ANKFN1: variants seen among roughly 807,000 people sequenced by gnomAD.
ANKFN1 encodes ankyrin repeat and fibronectin type III domain containing 1, also known as ankyrin repeat and fibronectin type-III domain-containing protein 1.
Under a neutral mutation model 108.7 loss-of-function variants are expected in ANKFN1, and 74 were observed. The ratio of observed to expected loss-of-function variants is 0.68; its 90% confidence interval spans 0.56 to 0.83. The LOEUF is 0.83. Among genes scored for constraint, ANKFN1 ranks in the 40% least tolerant of loss-of-function variants. The probability of loss-of-function intolerance (pLI) is 0.00; values close to 1 mark genes in which losing one functional copy is unlikely to be tolerated. For synonymous variants in ANKFN1, 547 were observed against 516.2 expected, an observed-to-expected ratio of 1.06 and a Z score of -0.81; for missense variants, 1,505 against 1,382.3, an observed-to-expected ratio of 1.09 and a Z score of -1.41.
intron 3 of ANKFN1, among the ~76,000 whole-genome samples, chr17:56,253,954 A>G (rs1176294210): frequency 3.9e-5 from 6 of 152,166 alleles, no homozygotes; most frequent in Non-Finnish European, 5.9e-5. Flanking sequence ...CCTATTTATT[A>G]TCTCTTTAAA....
At chr17:56,188,850 A>G (rs1281693962) in intron 1 of ANKFN1, among the ~76,000 whole-genome samples, 1 of 151,780 alleles carries the variant, frequency 6.6e-6, no homozygotes, top group Non-Finnish European at 1.5e-5. Context: ...GATGGGGGCT[A>G]GTCACCAGAA....
At chr17:56,464,346 G>A (rs116351564) in intron 14 of ANKFN1, among the ~76,000 whole-genome samples, 113 of 152,150 alleles carry the variant, frequency 7.4e-4, no homozygotes, top group African/African-American at 2.5e-3. Flanking sequence ...CACATTTTCC[G>A]GCGTCTTAAT....
In ANKFN1 at chr17:56,374,611, G is replaced by A. The variant is rs151192646; in HGVS notation, c.807G>A (p.Glu269=). The A allele has an allele frequency of 1.2e-6, 2 of 1,613,750 alleles. No individual in the cohort carries two copies. The highest frequency in any genetic ancestry group is 1.7e-6 in the Non-Finnish European group (2 of 1,179,730). Residue 269 remains glutamate (E), a synonymous_variant, in exon 8 of 21, where the codon GAG becomes GAA. Coordinates refer to ENST00000682825, the MANE Select transcript of ANKFN1 (RefSeq NM_001370326.1). ...KTGFEHARAP[E]MPTNVCLMVT... ...TTCCTTCTGTCCCAGGAGCCCCTGAGATGCCAACCAATGTCTGTCTCATGG... is the reference window on the plus strand; with the variant it reads ...TTCCTTCTGTCCCAGGAGCCCCTGAAATGCCAACCAATGTCTGTCTCATGG...
At chr17:56,363,039 T>A (rs985946568) in intron 6 of ANKFN1, among the ~76,000 whole-genome samples, 4 of 151,886 alleles carry the variant, frequency 2.6e-5, no homozygotes, top group African/African-American at 9.7e-5. Flanking sequence ...TGAAACTCCA[T>A]CTCTACTAAA....
intron 1 of ANKFN1, among the ~76,000 whole-genome samples, chr17:56,188,463 A>G (rs1912464453): frequency 6.7e-6 from 1 of 149,894 alleles, no homozygotes; most frequent in Non-Finnish European, 1.5e-5. Flanking sequence ...AATTATTTTA[A>G]GTATTAAATA....
Position 56,440,937 on chromosome 17 carries a change from A to G in ANKFN1, c.1008+513A>G, listed in dbSNP as rs370877835. Among the ~76,000 whole-genome samples, 7 of 152,186 alleles carry G rather than the reference A, an allele frequency of 4.6e-5. 1 individual carries two copies. The highest frequency in any genetic ancestry group is 4.6e-4 in the Admixed American group (7 of 15,258). On this transcript the variant is annotated intron_variant, in intron 9 of 20. Coordinates refer to ENST00000682825, the MANE Select transcript of ANKFN1 (RefSeq NM_001370326.1). ...TGTTTTCACAAAAAAGAAACTATAT[A>G]TGGTGGAGCTATGTTTCTCAGCAAC...
chr17:56,468,187 A>C (rs941191691), intron 15 of ANKFN1, among the ~76,000 whole-genome samples: 1 of 152,120 alleles, frequency 6.6e-6, no homozygotes, highest in Admixed American at 6.5e-5. Flanking sequence ...TCATATTTTG[A>C]GGTAGAAGTC....
intron 4 of ANKFN1, among the ~76,000 whole-genome samples, chr17:56,121,010 T>C (rs996778881): frequency 6.6e-6 from 1 of 152,116 alleles, no homozygotes; most frequent in Admixed American, 6.6e-5. Flanking sequence ...TATCCTAGTC[T>C]TCCTAGTTCC....
chr17:56,296,032 G>A (rs574361180), intron 3 of ANKFN1, among the ~76,000 whole-genome samples: 2 of 152,242 alleles, frequency 1.3e-5, no homozygotes, highest in Admixed American at 6.5e-5. Flanking sequence ...ATATATAAAA[G>A]TATGGATGTA....
intron 4 of ANKFN1, among the ~76,000 whole-genome samples, chr17:56,336,659 C>CA (rs1252497355): frequency 6.6e-6 from 1 of 152,088 alleles, no homozygotes; most frequent in African/African-American, 2.4e-5. Context: ...TTGATCTTTT[C>CA]AAAAAACCAG....
chr17:56,070,458 G>A (rs978940670), intron 4 of ANKFN1, among the ~76,000 whole-genome samples: 2 of 152,072 alleles, frequency 1.3e-5, no homozygotes, highest in African/African-American at 4.8e-5. Flanking sequence ...ACCAGTTATT[G>A]GATTTAGGGC....
At chr17:56,230,683 A>G (rs1471480110) in intron 3 of ANKFN1, among the ~76,000 whole-genome samples, 2 of 152,078 alleles carry the variant, frequency 1.3e-5, no homozygotes, top group Non-Finnish European at 2.9e-5. Flanking sequence ...GAAGAGAATT[A>G]TCTTCTGGGT....
chr17:56,145,281 G>A (rs569796786), intron 4 of ANKFN1, among the ~76,000 whole-genome samples: 1 of 152,360 alleles, frequency 6.6e-6, no homozygotes, highest in African/African-American at 2.4e-5. Flanking sequence ...CATAAAGGGA[G>A]TCAGAAAAAT....
In ANKFN1 at chr17:56,321,063, G is replaced by GAAA. The variant is rs11332530; in HGVS notation, c.54-5142_54-5140dup. On this transcript the variant is annotated intron_variant, in intron 3 of 20. Coordinates refer to ENST00000682825, the MANE Select transcript of ANKFN1 (RefSeq NM_001370326.1). ...TGAGCAGTCTGCATCTTTTCTTTAGGAAAAAAAAAAAAAAAAAAGTCTGCT... is the reference window on the plus strand; with the variant it reads ...TGAGCAGTCTGCATCTTTTCTTTAGGAAAAAAAAAAAAAAAAAAAAAGTCTGCT... 7.0e-5 allele frequency among the ~76,000 whole-genome samples: 8 copies of GAAA among 114,294 alleles called. No individual in the cohort carries two copies. The East Asian group carries it at 9.3e-4, about 13-fold the overall frequency. The allele number at this position is 114,294 out of a possible 152,430, so 75.0% of individuals were successfully genotyped here. A position where few individuals can be genotyped will look rare whatever the true frequency, so the allele number is the denominator to read the frequency against.
chr17:56,172,651 G>C (rs964742465), intron 1 of ANKFN1, among the ~76,000 whole-genome samples: 1 of 152,146 alleles, frequency 6.6e-6, no homozygotes, highest in Non-Finnish European at 1.5e-5. Flanking sequence ...AGAGCCAGGG[G>C]AGCTGCCAAG....
chr17:56,375,348 T>A (rs1162440771), intron 8 of ANKFN1, among the ~76,000 whole-genome samples: 1 of 152,126 alleles, frequency 6.6e-6, no homozygotes, highest in East Asian at 1.9e-4. Context: ...CCAGGACAGG[T>A]AGAGCAAACT....
intron 4 of ANKFN1, among the ~76,000 whole-genome samples, chr17:56,052,944 C>T (rs775870353): frequency 6.6e-6 from 1 of 152,094 alleles, no homozygotes; most frequent in Non-Finnish European, 1.5e-5. Flanking sequence ...AGTCTGCATT[C>T]TTAATCACTG....
intron 8 of ANKFN1, among the ~76,000 whole-genome samples, chr17:56,432,601 C>T (rs12947615): frequency 6.6e-6 from 1 of 152,206 alleles, no homozygotes; most frequent in Admixed American, 6.5e-5. Context: ...GATGCCCACC[C>T]TGCAGGCTGT....
intron 18 of ANKFN1, among the ~76,000 whole-genome samples, chr17:56,488,318 T>C (rs2050919599): frequency 6.6e-6 from 1 of 151,728 alleles, no homozygotes; most frequent in Non-Finnish European, 1.5e-5. Context: ...AATTTAGGAG[T>C]TAAAATGATG....
Sources: allele counts gnomAD v4.1 joint callset (sites outside exome capture counted in the v4.1 genomes callset), GRCh38; gene constraint gnomAD v4.1.1; transcripts MANE v1.5; gene names NCBI Gene and HGNC (gene_info 2026-07-23, HGNC 2026-07-21).